ARHGEF26: variants seen among roughly 807,000 people sequenced by gnomAD.
ARHGEF26 encodes the protein Rho guanine nucleotide exchange factor (GEF) 26.
A neutral mutation model predicts 89.4 loss-of-function variants in ARHGEF26; 59 were observed. The ratio of observed to expected loss-of-function variants is 0.66; its 90% CI spans 0.54 to 0.82. The LOEUF (loss-of-function observed/expected upper bound fraction) is 0.82, where lower values mean the gene tolerates loss of function less well. Among genes scored for constraint, ARHGEF26 ranks in the 40% least tolerant of loss-of-function variants. ARHGEF26 has a pLI of 0.00. For synonymous variants in ARHGEF26, 500 were observed against 428.4 expected (o/e 1.17, Z -2.06); for missense variants, 1,234 against 1,085.6 (o/e 1.14, Z -1.92).
intron 2 of ARHGEF26, 113 bp from the exon 3 acceptor site, chr3:154,124,297 A>T: frequency 1.4e-6 from 1 of 731,878 alleles, no homozygotes; most frequent in Non-Finnish European, 2.2e-6. Flanking sequence ...AATTAATGTA[A>T]TGACTAAAAA....
chr3:154,256,892 T>TAA lies in ARHGEF26; in HGVS notation c.*1420_*1421dup, dbSNP rs1553754208. 2.0e-6 allele frequency: 3 copies of TAA among 1,534,874 alleles called. No homozygotes were observed. Among genetic ancestry groups the TAA allele is most frequent in the East Asian group, 4.9e-5 (2 of 40,854 alleles). On this transcript the variant is annotated 3_prime_UTR_variant, in exon 15 of 15. Transcript: ENST00000465093. ...GTGCACAGAGAGAGAAAGGTTATCT[T>TAA]AATAGTCGGTTTCATGGAGATGAAG... is the stretch of plus-strand genomic sequence containing the variant.
intron 6 of ARHGEF26, among the ~76,000 whole-genome samples, chr3:154,170,626 CAT>C (rs1285414444): frequency 3.9e-5 from 6 of 152,238 alleles, no homozygotes; most frequent in Non-Finnish European, 7.4e-5. Context: ...CTTCAGCAGT[CAT>C]GTGTGTAAAA....
intron 4 of ARHGEF26, among the ~76,000 whole-genome samples, chr3:154,142,219 C>CTTTT (rs967079020): frequency 2.1e-5 from 3 of 145,096 alleles, no homozygotes; most frequent in African/African-American, 7.5e-5. Context: ...AAAACTTTTT[C>CTTTT]TTTTTTTTTT....
At chr3:154,130,361 G>T (rs1718613145) in intron 4 of ARHGEF26, among the ~76,000 whole-genome samples, 1 of 151,974 alleles carries the variant, frequency 6.6e-6, no homozygotes, top group Non-Finnish European at 1.5e-5. Context: ...GGCTGGTCTT[G>T]AATTCCTGCC....
intron 6 of ARHGEF26, among the ~76,000 whole-genome samples, chr3:154,167,748 C>G (rs1351690026): frequency 1.3e-5 from 2 of 152,114 alleles, no homozygotes; most frequent in Non-Finnish European, 2.9e-5. Context: ...CTTGGATTTC[C>G]CTGCCTCTGA....
chr3:154,205,525 G>A (rs1714963188), intron 9 of ARHGEF26, among the ~76,000 whole-genome samples: 1 of 152,112 alleles, frequency 6.6e-6, no homozygotes, highest in Non-Finnish European at 1.5e-5. Flanking sequence ...TTATTGGTAA[G>A]TATGGACTTA....
intron 6 of ARHGEF26, among the ~76,000 whole-genome samples, chr3:154,173,395 T>A (rs1712584179): frequency 6.6e-6 from 1 of 152,230 alleles, no homozygotes; most frequent in South Asian, 2.1e-4. Context: ...GAAGAGACAA[T>A]TGAATGTAAT....
At chr3:154,164,270 A>G (rs974106709) in intron 6 of ARHGEF26, among the ~76,000 whole-genome samples, 1 of 152,120 alleles carries the variant, frequency 6.6e-6, no homozygotes, top group Admixed American at 6.6e-5. Context: ...GAAATCACCT[A>G]TATGCTAAGA....
At chr3:154,195,850 G>A (rs1325782140) in intron 9 of ARHGEF26, among the ~76,000 whole-genome samples, 1 of 152,122 alleles carries the variant, frequency 6.6e-6, no homozygotes, top group African/African-American at 2.4e-5. Context: ...AATGAGAAGG[G>A]CAGTGAGCCT....
intron 6 of ARHGEF26, among the ~76,000 whole-genome samples, chr3:154,161,612 AT>A (rs1185226189): frequency 2.6e-5 from 4 of 152,198 alleles, no homozygotes; most frequent in African/African-American, 9.6e-5. Context: ...CTAGGACTAA[AT>A]TAAAGAATAG....
chr3:154,240,577 G>A lies in ARHGEF26; in HGVS notation c.2298G>A (p.Thr766=), dbSNP rs776789093. 5.6e-6 allele frequency: 9 copies of A among 1,604,938 alleles called. No individual in the cohort carries two copies. Among genetic ancestry groups the A allele is most frequent in the Middle Eastern group, 1.7e-4 (1 of 6,058 alleles). Residue 766 remains threonine, a splice_region_variant and synonymous_variant, in exon 12 of 15, where the codon ACG becomes ACA. Coordinates refer to ENST00000465093, the MANE Select transcript of ARHGEF26 (RefSeq NM_015595.4). ...EKVEMLLGAE[T]QSERARWITA... is the part of the protein sequence containing the mutation. Reference sequence around the variant, plus strand: ...TGGAGATGCTACTAGGAGCTGAGACGCAGTAAGTATATGTGGGGAAAAGAT... The same window carrying A: ...TGGAGATGCTACTAGGAGCTGAGACACAGTAAGTATATGTGGGGAAAAGAT...
At chr3:154,234,883 A>T (rs1481048371) in intron 11 of ARHGEF26, among the ~76,000 whole-genome samples, 2 of 152,214 alleles carry the variant, frequency 1.3e-5, no homozygotes, top group East Asian at 3.9e-4. Context: ...CTTCTGCCTC[A>T]GCCTCCTGAG....
chr3:154,238,116 A>G (rs1426880691), intron 11 of ARHGEF26, among the ~76,000 whole-genome samples: 2 of 152,228 alleles, frequency 1.3e-5, no homozygotes, highest in Non-Finnish European at 2.9e-5. Context: ...GTTGCTAAAA[A>G]TTGACTGCTT....
chr3:154,244,277 T>G (rs1471915587), intron 12 of ARHGEF26, among the ~76,000 whole-genome samples: 1 of 152,118 alleles, frequency 6.6e-6, no homozygotes, highest in Non-Finnish European at 1.5e-5. Flanking sequence ...GTAGGAGGGG[T>G]GCAGCTGTTT....
intron 6 of ARHGEF26, among the ~76,000 whole-genome samples, chr3:154,182,881 C>G (rs1396303585): frequency 6.6e-6 from 1 of 151,976 alleles, no homozygotes; most frequent in Non-Finnish European, 1.5e-5. Flanking sequence ...TTGTTTTTTC[C>G]TCAAAAATGT....
intron 4 of ARHGEF26, among the ~76,000 whole-genome samples, chr3:154,137,119 G>A (rs932625792): frequency 2.6e-5 from 4 of 152,142 alleles, no homozygotes; most frequent in African/African-American, 9.7e-5. Flanking sequence ...TTTAATTCCT[G>A]ATGTAGCAGT....
intron 6 of ARHGEF26, among the ~76,000 whole-genome samples, chr3:154,179,551 G>A (rs868134704): frequency 7.2e-5 from 11 of 152,314 alleles, no homozygotes; most frequent in Middle Eastern, 3.4e-3. Context: ...GATGGTGAGT[G>A]CCATGAAGAC....
chr3:154,166,122 G>C (rs751604355), intron 6 of ARHGEF26, among the ~76,000 whole-genome samples: 33 of 152,036 alleles, frequency 2.2e-4, no homozygotes, highest in Non-Finnish European at 4.0e-4. Context: ...GCTCACTGCA[G>C]CCTCTGCCTT....
intron 9 of ARHGEF26, among the ~76,000 whole-genome samples, chr3:154,212,709 C>T (rs969748668): frequency 3.9e-5 from 6 of 152,174 alleles, no homozygotes; most frequent in South Asian, 4.2e-4. Context: ...CCTTCACATG[C>T]GCAGTTTACA....
Sources: gnomAD v4.1 joint callset for allele counts (sites outside exome capture counted in the v4.1 genomes callset) on GRCh38, gnomAD v4.1.1 for gene constraint, MANE v1.5 for transcripts, NCBI Gene and HGNC (gene_info 2026-07-23, HGNC 2026-07-21) for gene names.